The following EEFSEC variants were observed in gnomAD, a reference collection of about 807,000 sequenced individuals.
EEFSEC encodes selenocysteine-specific elongation factor.
In EEFSEC, 43 loss-of-function variants were observed where a neutral mutation model predicts 42.1. That is an observed-to-expected ratio of 1.02 (90% CI 0.80 to 1.32). The LOEUF (loss-of-function observed/expected upper bound fraction) is 1.32. Ranked by LOEUF, EEFSEC falls within the 40% of genes most tolerant of loss-of-function variation. EEFSEC has a pLI of 0.00. For synonymous variants in EEFSEC, 354 were observed against 339.1 expected (o/e 1.04, Z -0.48); for missense variants, 745 against 803.6 (o/e 0.93, Z 0.88).
intron 1 of EEFSEC, among the ~76,000 whole-genome samples, chr3:128,243,722 C>T (rs1481828783): frequency 2.6e-5 from 4 of 151,752 alleles, no homozygotes; most frequent in African/African-American, 4.8e-5. Flanking sequence ...GGGAAAGGGG[C>T]GAGAGTCCAC....
At chr3:128,392,415 G>A (rs575064960) in intron 6 of EEFSEC, among the ~76,000 whole-genome samples, 1 of 152,350 alleles carries the variant, frequency 6.6e-6, no homozygotes, top group South Asian at 2.1e-4. Context: ...TTGCACAGAC[G>A]GGGCCTGCCC....
chr3:128,182,004 G>A (rs111245268), intron 1 of EEFSEC, among the ~76,000 whole-genome samples: 1 of 152,136 alleles, frequency 6.6e-6, no homozygotes, highest in Admixed American at 6.6e-5. Flanking sequence ...AGTAGAGACG[G>A]GGTTTCACCA....
At chr3:128,322,649 A>C (rs1250470425) in intron 4 of EEFSEC, among the ~76,000 whole-genome samples, 1 of 152,230 alleles carries the variant, frequency 6.6e-6, no homozygotes, top group Admixed American at 6.5e-5. Context: ...CCGTTCAGAC[A>C]TGAGAGTAGC....
intron 6 of EEFSEC, among the ~76,000 whole-genome samples, chr3:128,382,922 C>T (rs989726339): frequency 1.5e-4 from 23 of 152,334 alleles, no homozygotes; most frequent in African/African-American, 5.3e-4. Flanking sequence ...CACAAGGGAG[C>T]GGGCAGAGGA....
intron 1 of EEFSEC, among the ~76,000 whole-genome samples, chr3:128,155,017 C>T (rs1944349796): frequency 6.6e-6 from 1 of 152,180 alleles, no homozygotes; most frequent in Non-Finnish European, 1.5e-5. Flanking sequence ...AGAAATAGAA[C>T]ATCACAAATA....
rs2066336491 is a variant in EEFSEC, at chr3:128,264,830, G to GA, written c.786+50dup. On this transcript the variant is annotated intron_variant, in intron 4 of 6. Transcript: ENST00000254730. ...TCTGGCCTCCTCGCTGGCAGCAAGG[G>GA]AGGGGGACTGTCCCTTTGTCTGTTC... The GA allele has an allele frequency of 1.9e-6, 3 of 1,579,344 alleles. No homozygotes were observed. The African/African-American group carries it at 4.0e-5, about 21-fold the overall frequency.
chr3:128,276,259 A>G (rs1000118128), intron 4 of EEFSEC, among the ~76,000 whole-genome samples: 25 of 152,308 alleles, frequency 1.6e-4, no homozygotes, highest in African/African-American at 5.1e-4. Flanking sequence ...GGGTTGCTTG[A>G]GATTCTTGTT....
intron 1 of EEFSEC, among the ~76,000 whole-genome samples, chr3:128,206,310 C>G (rs1298233205): frequency 6.6e-6 from 1 of 152,188 alleles, no homozygotes; most frequent in Non-Finnish European, 1.5e-5. Context: ...GCAGGAGCTC[C>G]TCTTTGTGCT....
intron 4 of EEFSEC, among the ~76,000 whole-genome samples, chr3:128,269,397 C>G (rs2999064): frequency 0.13 from 19,558 of 152,268 alleles, 1,512 homozygotes; most frequent in Admixed American, 0.19. Flanking sequence ...TGCAGCAGAG[C>G]CTGAGGTTCA....
chr3:128,248,941 C>T (rs2066155947), intron 2 of EEFSEC, among the ~76,000 whole-genome samples: 1 of 152,226 alleles, frequency 6.6e-6, no homozygotes, highest in Non-Finnish European at 1.5e-5. Context: ...CCCTCCTGCC[C>T]TCATCCAGCA....
At chr3:128,283,452 C>G (rs1207143346) in intron 4 of EEFSEC, among the ~76,000 whole-genome samples, 1 of 152,180 alleles carries the variant, frequency 6.6e-6, no homozygotes, top group African/African-American at 2.4e-5. Flanking sequence ...TCAGTACTGT[C>G]TCCTTCCATG....
intron 1 of EEFSEC, among the ~76,000 whole-genome samples, chr3:128,170,109 C>T (rs1009019077): frequency 6.6e-6 from 1 of 152,220 alleles, no homozygotes; most frequent in Non-Finnish European, 1.5e-5. Context: ...TGGACACTCA[C>T]TGTAGGGAAG....
At chr3:128,174,090 A>C (rs750477883) in intron 1 of EEFSEC, among the ~76,000 whole-genome samples, 6 of 152,142 alleles carry the variant, frequency 3.9e-5, no homozygotes, top group Non-Finnish European at 5.9e-5. Flanking sequence ...AGGAGGAAAC[A>C]TTGCTCTGGC....
chr3:128,403,312 C>A (rs2068069993), intron 6 of EEFSEC, among the ~76,000 whole-genome samples: 1 of 152,148 alleles, frequency 6.6e-6, no homozygotes, highest in South Asian at 2.1e-4. Context: ...AGCGAGGAGG[C>A]TGACACAGGG....
chr3:128,250,102 C>CTGT (rs956569401), intron 2 of EEFSEC, among the ~76,000 whole-genome samples: 3 of 151,724 alleles, frequency 2.0e-5, no homozygotes, highest in South Asian at 2.1e-4. Flanking sequence ...GGGTTGTTTT[C>CTGT]TGTTGTTGTT....
intron 1 of EEFSEC, among the ~76,000 whole-genome samples, chr3:128,207,370 C>T (rs1192063481): frequency 1.3e-5 from 2 of 151,682 alleles, no homozygotes; most frequent in African/African-American, 4.8e-5. Context: ...TGTGGCTCCC[C>T]TAGGAGGTTA....
chr3:128,176,882 TA>T (rs2065353690), intron 1 of EEFSEC, among the ~76,000 whole-genome samples: 1 of 152,098 alleles, frequency 6.6e-6, no homozygotes, highest in African/African-American at 2.4e-5. Context: ...CTACTGATAA[TA>T]AAGACTCCCG....
chr3:128,250,973 C>T (rs1181995085), intron 2 of EEFSEC, among the ~76,000 whole-genome samples: 1 of 103,176 alleles, frequency 9.7e-6, no homozygotes, highest in Non-Finnish European at 2.0e-5. Context: ...TTTGTCTCTT[C>T]GATTTATTCC....
intron 1 of EEFSEC, among the ~76,000 whole-genome samples, chr3:128,196,559 T>G (rs2065586731): frequency 6.6e-6 from 1 of 152,258 alleles, no homozygotes. Context: ...GTAATTTTTT[T>G]TGGCTGCTTT....
Sources: allele counts gnomAD v4.1 joint callset (sites outside exome capture counted in the v4.1 genomes callset), GRCh38; gene constraint gnomAD v4.1.1; transcripts MANE v1.5; gene names NCBI Gene and HGNC (gene_info 2026-07-23, HGNC 2026-07-21).